The following NDUFS1 variants were observed in gnomAD, a reference collection of about 807,000 sequenced individuals.
NDUFS1 encodes NADH:ubiquinone oxidoreductase core subunit S1.
NDUFS1 carries 61 observed loss-of-function variants against 84.4 expected under a neutral mutation model. The observed-to-expected ratio is 0.72, with a 90% CI of 0.59 to 0.89. The LOEUF is 0.89. Among genes scored for constraint, NDUFS1 ranks in the 40% least tolerant of loss-of-function variants. NDUFS1 has a pLI of 0.00. For missense variants in NDUFS1, 891 were observed against 890.0 expected (o/e 1.00, Z -0.01); for synonymous variants, 275 against 290.0 (o/e 0.95, Z 0.53).
intron 2 of NDUFS1, 127 bp from the exon 3 acceptor site, chr2:206,152,637 G>C (rs1692416582): frequency 4.0e-6 from 3 of 752,098 alleles, no homozygotes; most frequent in Non-Finnish European, 4.7e-6. Flanking sequence ...GTATTGCTCT[G>C]GATGCAAACT....
intron 15 of NDUFS1, 146 bp downstream of exon 15, chr2:206,129,942 G>A (rs2105948276): frequency 1.2e-6 from 1 of 847,316 alleles, no homozygotes; most frequent in Non-Finnish European, 1.9e-6. Flanking sequence ...AACACTTGTG[G>A]TTTGTTTAAA....
rs1480263477 is a variant in NDUFS1, at chr2:206,144,069, C to T, written c.936G>A (p.Gly312=). Reference sequence around the variant, plus strand: ...CCTCCCAAGAAGTATAGGTTAAAAGCCCTTTTTCATTTCTGACCATTGGCT... The same window carrying T: ...CCTCCCAAGAAGTATAGGTTAAAAGTCCTTTTTCATTTCTGACCATTGGCT... The part of the protein sequence containing the change: ...LTEPMVRNEK[G]LLTYTSWEDA... Residue 312 remains glycine, a synonymous_variant, in exon 10 of 19, where the codon GGG becomes GGA. Transcript: ENST00000233190. The T allele has an allele frequency of 8.1e-6, 13 of 1,614,112 alleles. No homozygotes were observed. Among genetic ancestry groups the T allele is most frequent in the East Asian group, 2.2e-5 (1 of 44,870 alleles).
At chr2:206,145,916 G>C (rs778235155) in intron 8 of NDUFS1, among the ~76,000 whole-genome samples, 11 of 152,208 alleles carry the variant, frequency 7.2e-5, no homozygotes, top group Non-Finnish European at 1.2e-4. Context: ...TAAGTTTGTA[G>C]TGGTAATTGC....
intron 14 of NDUFS1, among the ~76,000 whole-genome samples, chr2:206,130,631 G>T (rs1324545809): frequency 6.6e-6 from 1 of 151,904 alleles, no homozygotes; most frequent in African/African-American, 2.4e-5. Flanking sequence ...CTGGGATTAC[G>T]GGTGTGAGCC....
At chr2:206,145,923 T>G (rs1692138319) in intron 8 of NDUFS1, among the ~76,000 whole-genome samples, 1 of 152,182 alleles carries the variant, frequency 6.6e-6, no homozygotes, top group African/African-American at 2.4e-5. Context: ...GTAGTGGTAA[T>G]TGCGGCAAGC....
intron 7 of NDUFS1, 104 bp from the exon 8 acceptor site, chr2:206,147,192 G>T: frequency 1.7e-6 from 2 of 1,179,296 alleles, no homozygotes; most frequent in South Asian, 1.2e-5. Context: ...AAAAAGAAAT[G>T]AGTATATTTT....
rs1433581080 is a variant in NDUFS1 at position 206,119,584 on chromosome 2, T to C, written c.*4601A>G. ...ATATGCCACCATGGCTGGCTAATTT[T>C]GTATTTTTAGTAGAGACAGAGTTTC... On this transcript the variant is annotated 3_prime_UTR_variant, in exon 19 of 19. Transcript: ENST00000233190. The C allele has an allele frequency of 6.6e-6, 1 of 152,044 alleles. No homozygotes were observed. The highest frequency in any genetic ancestry group is 1.5e-5 in the Non-Finnish European group (1 of 68,026). The allele number at this position is 152,044 out of a possible 1,614,324, so 9.4% of individuals were successfully genotyped here.
rs1018143159 is a variant in NDUFS1 at position 206,123,472 on chromosome 2, C to T, written c.*713G>A. On this transcript the variant is annotated 3_prime_UTR_variant, in exon 19 of 19. Coordinates refer to ENST00000233190, the MANE Select transcript of NDUFS1 (RefSeq NM_005006.7). ...ACCTATAGAATCAACATTAATGAGA[C>T]GAAATAATATGTTGCAGTTAAGAAC... 1.2e-4 allele frequency: 19 copies of T among 152,016 alleles called. No individual in the cohort carries two copies. The highest frequency in any genetic ancestry group is 6.2e-4 in the South Asian group (3 of 4,810). The allele number at this position is 152,016 out of a possible 1,614,324, so 9.4% of individuals were successfully genotyped here.
intron 2 of NDUFS1, 63 bp from the exon 3 acceptor site, chr2:206,152,573 G>A: frequency 7.2e-7 from 1 of 1,393,456 alleles, no homozygotes; most frequent in East Asian, 2.3e-5. Flanking sequence ...GATGATAATG[G>A]ATGAATTGAC....
intron 13 of NDUFS1, among the ~76,000 whole-genome samples, chr2:206,135,781 G>A (rs943758177): frequency 3.9e-5 from 6 of 152,126 alleles, no homozygotes; most frequent in Admixed American, 6.5e-5. Flanking sequence ...GACTTTTCAC[G>A]GAATATTTTT....
Position 206,126,390 on chromosome 2 carries a change from T to A in NDUFS1, c.2092+149A>T, listed in dbSNP as rs10184125. 5,300 of 764,072 alleles carry A rather than the reference T, an allele frequency of 6.9e-3. 206 individuals carry two copies. In the African/African-American group the frequency reaches 0.084, roughly 12 times the overall value. The allele number at this position is 764,072 out of a possible 1,614,324, so 47.3% of individuals were successfully genotyped here. A position where few individuals can be genotyped will look rare whatever the true frequency, so the allele number is the denominator to read the frequency against. On this transcript the variant is annotated intron_variant, in intron 18 of 18. Transcript: ENST00000233190. The stretch of plus-strand genomic sequence containing the variant: ...AAAACTAGAGTAGAATCAGAAAATA[T>A]GCTTACGTTAGTTCCAATGTTTGAA...
chr2:206,159,182 T>A (rs755642357), intron 1 of NDUFS1, 159 bp downstream of exon 1: 8 of 1,532,822 alleles, frequency 5.2e-6, no homozygotes, highest in South Asian at 4.8e-5. Context: ...AAGCCCCCCA[T>A]CTGCCGGCTC....
chr2:206,141,120 T>C (rs1001211536), intron 12 of NDUFS1, among the ~76,000 whole-genome samples: 2 of 151,982 alleles, frequency 1.3e-5, no homozygotes, highest in African/African-American at 4.8e-5. Flanking sequence ...AACGGACCTA[T>C]TAGAAATTGT....
intron 11 of NDUFS1, among the ~76,000 whole-genome samples, chr2:206,142,415 A>G (rs1490357337): frequency 6.6e-6 from 1 of 152,152 alleles, no homozygotes; most frequent in Non-Finnish European, 1.5e-5. Flanking sequence ...GGGTTTCGCC[A>G]TGTTGGCCAG....
At chr2:206,132,673 G>T (rs1171496466) in intron 14 of NDUFS1, among the ~76,000 whole-genome samples, 2 of 152,118 alleles carry the variant, frequency 1.3e-5, no homozygotes, top group African/African-American at 4.8e-5. Flanking sequence ...TAAAGAACTT[G>T]TTGCAATTTT....
chr2:206,125,518 T>C (rs765455885), intron 18 of NDUFS1, among the ~76,000 whole-genome samples: 1 of 151,758 alleles, frequency 6.6e-6, no homozygotes, highest in Non-Finnish European at 1.5e-5. Context: ...AATAATTACA[T>C]ATAAATAACA....
chr2:206,136,369 T>C (rs1214221388), intron 13 of NDUFS1, among the ~76,000 whole-genome samples: 1 of 151,322 alleles, frequency 6.6e-6, no homozygotes, highest in Non-Finnish European at 1.5e-5. Flanking sequence ...GCTTTCAATG[T>C]GCCTACCTCC....
At position 206,124,375 on chromosome 2, in the gene NDUFS1, A is replaced by C. The variant is rs533787423; in HGVS notation, c.2093-99T>G. ...CACATATTCAGGAGGAAAAAAGATT[A>C]TAAGGCCCTATGCAAGTATATATAA... On this transcript the variant is annotated intron_variant, in intron 18 of 18. Coordinates refer to ENST00000233190, the MANE Select transcript of NDUFS1 (RefSeq NM_005006.7). 6.2e-5 allele frequency: 53 copies of C among 852,796 alleles called. No homozygotes were observed. In the East Asian group the frequency reaches 1.2e-3, roughly 19 times the overall value. The allele number at this position is 852,796 out of a possible 1,614,324, so 52.8% of individuals were successfully genotyped here.
chr2:206,132,850 T>C, intron 14 of NDUFS1, 95 bp downstream of exon 14: 2 of 1,154,982 alleles, frequency 1.7e-6, no homozygotes, highest in Non-Finnish European at 2.5e-6. Flanking sequence ...TTGCTAAATG[T>C]TGTTTGTAAA....
Sources: allele counts gnomAD v4.1 joint callset (sites outside exome capture counted in the v4.1 genomes callset), GRCh38; gene constraint gnomAD v4.1.1; transcripts MANE v1.5; gene names NCBI Gene and HGNC (gene_info 2026-07-23, HGNC 2026-07-21).